Variants in RNF150 observed in about 807,000 individuals in gnomAD.
The protein encoded by RNF150 is ring finger protein 150.
In RNF150, 24 loss-of-function variants were observed where a neutral mutation model predicts 39.3. The observed-to-expected ratio is 0.61, with a 90% CI of 0.44 to 0.86. RNF150 has a LOEUF of 0.86. Ranked by LOEUF, RNF150 falls within the 40% of genes least tolerant of loss-of-function variation. The pLI, the probability that RNF150 is intolerant of heterozygous loss-of-function variation, is 0.00. For synonymous variants in RNF150, 255 were observed against 227.3 expected (o/e 1.12, Z -1.10); for missense variants, 502 against 587.8 (o/e 0.85, Z 1.51).
chr4:140,979,964 A>T (rs989158430), intron 1 of RNF150, among the ~76,000 whole-genome samples: 5 of 152,202 alleles, frequency 3.3e-5, no homozygotes, highest in Non-Finnish European at 5.9e-5. Flanking sequence ...AACTCACATA[A>T]TAAAAGAAAA....
intron 1 of RNF150, among the ~76,000 whole-genome samples, chr4:141,123,591 G>A (rs748812787): frequency 2.2e-4 from 34 of 152,154 alleles, no homozygotes; most frequent in Non-Finnish European, 4.3e-4. Context: ...TAGGGTACAT[G>A]TGCACAACGT....
intron 1 of RNF150, among the ~76,000 whole-genome samples, chr4:141,127,983 A>G (rs1199006808): frequency 2.0e-5 from 3 of 152,252 alleles, no homozygotes; most frequent in Non-Finnish European, 4.4e-5. Context: ...TACAAACTCA[A>G]TAGGAGAATC....
At chr4:141,181,969 G>A (rs1192837596) in intron 1 of RNF150, among the ~76,000 whole-genome samples, 1 of 152,138 alleles carries the variant, frequency 6.6e-6, no homozygotes, top group East Asian at 1.9e-4. Flanking sequence ...CCAACCTAAG[G>A]AGAGGTATCC....
At chr4:141,122,850 T>A (rs116574071) in intron 1 of RNF150, among the ~76,000 whole-genome samples, 4,541 of 152,372 alleles carry the variant, frequency 0.03, 89 homozygotes, top group Non-Finnish European at 0.045. Flanking sequence ...ATATAGCATA[T>A]GTATTTCATT....
At chr4:141,032,433 G>A (rs569574959) in intron 1 of RNF150, among the ~76,000 whole-genome samples, 1 of 152,182 alleles carries the variant, frequency 6.6e-6, no homozygotes, top group Non-Finnish European at 1.5e-5. Flanking sequence ...GACTTTAAAT[G>A]TTCTCACCAC....
chr4:140,882,770 T>C (rs1729423861), intron 6 of RNF150, among the ~76,000 whole-genome samples: 1 of 145,764 alleles, frequency 6.9e-6, no homozygotes, highest in African/African-American at 2.4e-5. Flanking sequence ...ATGGAACATC[T>C]TTTTTCATCT....
chr4:140,867,660 A>G lies in RNF150; in HGVS notation c.*601T>C, dbSNP rs1210847555. 2 of 152,264 alleles carry G rather than the reference A, an allele frequency of 1.3e-5. No homozygotes were observed. Among genetic ancestry groups the G allele is most frequent in the African/African-American group, 2.4e-5 (1 of 41,438 alleles). The allele number at this position is 152,264 out of a possible 1,614,324, so 9.4% of individuals were successfully genotyped here. On this transcript the variant is annotated 3_prime_UTR_variant, in exon 7 of 7. Coordinates refer to ENST00000515673, the MANE Select transcript of RNF150 (RefSeq NM_020724.2). ...CCCACTTAGAAGAACTTAGATTCTT[A>G]ATGAAAGCTGGCCTTAGTCCATTTC... is the stretch of plus-strand genomic sequence containing the variant.
intron 4 of RNF150, among the ~76,000 whole-genome samples, chr4:140,935,044 TAA>T (rs1361611244): frequency 0.01 from 45 of 4,342 alleles, no homozygotes; most frequent in South Asian, 0.031. Context: ...TATATATATA[TAA>T]ATATATATAT....
chr4:141,188,467 G>A (rs769405579), intron 1 of RNF150, among the ~76,000 whole-genome samples: 4 of 152,244 alleles, frequency 2.6e-5, no homozygotes, highest in South Asian at 2.1e-4. Flanking sequence ...CATTCTCCCC[G>A]TCACTTTCAG....
chr4:141,027,218 T>C (rs931136282), intron 1 of RNF150, among the ~76,000 whole-genome samples: 1 of 152,142 alleles, frequency 6.6e-6, no homozygotes, highest in Non-Finnish European at 1.5e-5. Context: ...CATGGAGAAG[T>C]GTCTCTGATT....
upstream of RNF150, among the ~76,000 whole-genome samples, chr4:141,134,839 T>C (rs943216157): frequency 6.6e-6 from 1 of 152,240 alleles, no homozygotes; most frequent in Non-Finnish European, 1.5e-5. Flanking sequence ...AGTCCACTGC[T>C]AGAAACCCCC....
intron 1 of RNF150, among the ~76,000 whole-genome samples, chr4:141,015,823 G>A (rs943121504): frequency 1.2e-4 from 19 of 152,110 alleles, no homozygotes; most frequent in Non-Finnish European, 2.2e-4. Context: ...CTGTTCGATT[G>A]TGGTTTTTCT....
chr4:141,000,084 A>AAGG (rs1560679586), intron 1 of RNF150, among the ~76,000 whole-genome samples: 1 of 22,374 alleles, frequency 4.5e-5, no homozygotes, highest in East Asian at 2.1e-3. Context: ...GAAGAAGAAG[A>AAGG]AGGAGAAGAA....
chr4:141,189,491 C>T (rs949126144), intron 1 of RNF150, among the ~76,000 whole-genome samples: 2 of 152,206 alleles, frequency 1.3e-5, no homozygotes, highest in African/African-American at 4.8e-5. Context: ...ACTGAAGCTG[C>T]GCCCACAGCT....
intron 1 of RNF150, among the ~76,000 whole-genome samples, chr4:141,010,086 TAGAA>T (rs1240954116): frequency 6.6e-6 from 1 of 152,230 alleles, no homozygotes; most frequent in Non-Finnish European, 1.5e-5. Context: ...AGTGATTCAA[TAGAA>T]AGACAATGAG....
In RNF150 at chr4:141,168,241, T is replaced by C. The variant is rs541030183; in HGVS notation, c.-6+44553A>G. On this transcript the variant is annotated intron_variant, in intron 1 of 7. Transcript: ENST00000420921. ...AGAGAAATGCAAATCAAAACCACAA[T>C]GAGATACCATCTCACACGAGTTAGA... is the stretch of plus-strand genomic sequence containing the variant. Among the ~76,000 whole-genome samples the C allele has an allele frequency of 5.9e-5, 9 of 152,080 alleles. No homozygotes were observed. The South Asian group carries it at 8.3e-4, about 14-fold the overall frequency.
At chr4:141,095,427 C>CA (rs955875948) in intron 1 of RNF150, among the ~76,000 whole-genome samples, 36 of 150,232 alleles carry the variant, frequency 2.4e-4, no homozygotes, top group Admixed American at 1.3e-3. Flanking sequence ...TTAAAAACAA[C>CA]AAAAAAAAAG....
At chr4:140,912,914 ATCTCT>A (rs747614381) in intron 5 of RNF150, among the ~76,000 whole-genome samples, 10 of 150,860 alleles carry the variant, frequency 6.6e-5, no homozygotes, top group Non-Finnish European at 1.5e-4. Context: ...TCCACTTACA[ATCTCT>A]TCTCCAGTGT....
At chr4:141,097,188 T>C (rs1319964270) in intron 1 of RNF150, among the ~76,000 whole-genome samples, 1 of 152,120 alleles carries the variant, frequency 6.6e-6, no homozygotes, top group East Asian at 1.9e-4. Context: ...CCAAACAGAA[T>C]GTGAGTTCCA....
Sources: allele counts gnomAD v4.1 joint callset (sites outside exome capture counted in the v4.1 genomes callset), GRCh38; gene constraint gnomAD v4.1.1; transcripts MANE v1.5; gene names NCBI Gene and HGNC (gene_info 2026-07-23, HGNC 2026-07-21).